Variants in ADCY2 observed in about 807,000 individuals in gnomAD.
ADCY2 encodes adenylate cyclase 2.
Under a neutral mutation model 125.2 loss-of-function variants are expected in ADCY2, and 31 were observed. The ratio of observed to expected loss-of-function variants is 0.25; its 90% CI spans 0.19 to 0.33. The LOEUF (loss-of-function observed/expected upper bound fraction) is 0.33, where lower values mean the gene tolerates loss of function less well. Ranked by LOEUF, ADCY2 falls within the 10% of genes least tolerant of loss-of-function variation. The probability of loss-of-function intolerance (pLI) is 1.00; values close to 1 mark genes in which losing one functional copy is unlikely to be tolerated. For synonymous variants in ADCY2, 512 were observed against 548.4 expected (o/e 0.93, Z 0.93); for missense variants, 904 against 1,418.2 (o/e 0.64, Z 5.82).
intron 4 of ADCY2, among the ~76,000 whole-genome samples, chr5:7,673,068 C>A (rs1366281133): frequency 6.6e-6 from 1 of 150,948 alleles, no homozygotes; most frequent in Non-Finnish European, 1.5e-5. Flanking sequence ...TTTTATTAAC[C>A]AAGTTACTTC....
intron 3 of ADCY2, among the ~76,000 whole-genome samples, chr5:7,563,229 C>T (rs777395854): frequency 1.4e-4 from 21 of 152,214 alleles, no homozygotes; most frequent in Non-Finnish European, 2.5e-4. Flanking sequence ...TCTGTATCCT[C>T]TGTCTTTGTA....
rs112081124 is a variant in ADCY2, at chr5:7,676,793, T to C, written c.721-13898T>C. Among the ~76,000 whole-genome samples, 474 of 152,328 alleles carry C rather than the reference T, an allele frequency of 3.1e-3. 5 individuals are homozygous for C. Among genetic ancestry groups the C allele is most frequent in the African/African-American group, 0.011 (456 of 41,576 alleles). Reference sequence around the variant, plus strand: ...ATCCTGTGGAGTTTCAGTCCAGCCTTGGCCATACGTTTGGACAAGAATGAA... The same window carrying C: ...ATCCTGTGGAGTTTCAGTCCAGCCTCGGCCATACGTTTGGACAAGAATGAA... On this transcript the variant is annotated intron_variant, in intron 4 of 24. Coordinates refer to ENST00000338316, the MANE Select transcript of ADCY2 (RefSeq NM_020546.3).
intron 24 of ADCY2, among the ~76,000 whole-genome samples, chr5:7,825,143 AATAACGCTGCTGTGTGCCACG>A (rs1296610439): frequency 0.017 from 2,366 of 139,276 alleles, 106 homozygotes; most frequent in African/African-American, 0.069. Flanking sequence ...TGTGTCCCAT[AATAACGCTGCTGTGTGCCACG>A]ACAACGCTGC....
intron 2 of ADCY2, among the ~76,000 whole-genome samples, chr5:7,466,436 C>A (rs1208737036): frequency 2.6e-5 from 4 of 152,190 alleles, no homozygotes; most frequent in African/African-American, 4.8e-5. Context: ...AAGGTGATAT[C>A]AGCACCCCTT....
intron 2 of ADCY2, among the ~76,000 whole-genome samples, chr5:7,441,952 A>G (rs1398274322): frequency 6.6e-6 from 1 of 152,150 alleles, no homozygotes; most frequent in Non-Finnish European, 1.5e-5. Context: ...AGACTTGGCA[A>G]CCGCCACAAT....
At chr5:7,501,621 A>G (rs1743576588) in intron 2 of ADCY2, among the ~76,000 whole-genome samples, 1 of 119,024 alleles carries the variant, frequency 8.4e-6, no homozygotes, top group East Asian at 2.1e-4. Context: ...CTCATATCCC[A>G]TCAAAAAAGA....
intron 3 of ADCY2, among the ~76,000 whole-genome samples, chr5:7,564,757 C>T (rs1316844720): frequency 2.6e-5 from 4 of 152,100 alleles, no homozygotes; most frequent in African/African-American, 4.8e-5. Flanking sequence ...ACTTGGGTCC[C>T]GGGCACCGCC....
chr5:7,568,276 G>A (rs530750100), intron 3 of ADCY2, among the ~76,000 whole-genome samples: 3 of 152,048 alleles, frequency 2.0e-5, no homozygotes, highest in East Asian at 1.9e-4. Flanking sequence ...AATATCTTGG[G>A]CTCTAATCTT....
At position 7,459,772 on chromosome 5, in the gene ADCY2, A is replaced by ATTTTTTTTTT. The variant is rs3033085; in HGVS notation, c.408+45026_408+45035dup. On this transcript the variant is annotated intron_variant, in intron 2 of 24. Coordinates refer to ENST00000338316, the MANE Select transcript of ADCY2 (RefSeq NM_020546.3). ...GAACTATCTAGCAGTTTAAGAGGTAATTTTTTTTTTTTTTTTTTTTTTTTT... is the reference window on the plus strand; with the variant it reads ...GAACTATCTAGCAGTTTAAGAGGTAATTTTTTTTTTTTTTTTTTTTTTTTTTTTTTTTTTT... 1.8e-3 allele frequency among the ~76,000 whole-genome samples: 132 copies of ATTTTTTTTTT among 72,862 alleles called. 15 individuals carry two copies. Among genetic ancestry groups the ATTTTTTTTTT allele is most frequent in the African/African-American group, 7.3e-3 (119 of 16,348 alleles). The allele number at this position is 72,862 out of a possible 152,430, so 47.8% of individuals were successfully genotyped here.
chr5:7,753,954 A>T (rs1443230017), intron 15 of ADCY2, among the ~76,000 whole-genome samples: 1 of 152,200 alleles, frequency 6.6e-6, no homozygotes, highest in African/African-American at 2.4e-5. Flanking sequence ...GACCTCTGGA[A>T]CAACACATTT....
chr5:7,643,108 C>A (rs1279469889), intron 4 of ADCY2, among the ~76,000 whole-genome samples: 2 of 150,968 alleles, frequency 1.3e-5, no homozygotes, highest in East Asian at 1.9e-4. Context: ...AAATGTATTT[C>A]TTTAGCCTTC....
At chr5:7,653,474 G>T (rs1739171487) in intron 4 of ADCY2, among the ~76,000 whole-genome samples, 1 of 152,148 alleles carries the variant, frequency 6.6e-6, no homozygotes, top group South Asian at 2.1e-4. Context: ...CAGGCGTGGT[G>T]GCGGGCGCCT....
chr5:7,729,904 CT>C (rs1398450123), intron 14 of ADCY2, among the ~76,000 whole-genome samples: 1 of 150,874 alleles, frequency 6.6e-6, no homozygotes, highest in Non-Finnish European at 1.5e-5. Context: ...TGGTCAATAT[CT>C]TTTGGGATAG....
At chr5:7,599,329 A>T (rs1737120356) in intron 3 of ADCY2, among the ~76,000 whole-genome samples, 1 of 152,176 alleles carries the variant, frequency 6.6e-6, no homozygotes, top group Non-Finnish European at 1.5e-5. Context: ...GATTTAAGGG[A>T]TATTTTGTGA....
intron 7 of ADCY2, among the ~76,000 whole-genome samples, chr5:7,698,783 A>G (rs1740978020): frequency 6.6e-6 from 1 of 152,130 alleles, no homozygotes; most frequent in African/African-American, 2.4e-5. Flanking sequence ...AATCCAGTCT[A>G]TCGTTGGTGG....
intron 4 of ADCY2, chr5:7,658,038 G>A (rs1739398505): frequency 6.6e-6 from 1 of 152,190 alleles, no homozygotes; most frequent in African/African-American, 2.4e-5. Flanking sequence ...CTCCAGTGGT[G>A]AATGCAGGAG....
At chr5:7,653,148 C>T (rs1739156688) in intron 4 of ADCY2, among the ~76,000 whole-genome samples, 1 of 152,160 alleles carries the variant, frequency 6.6e-6, no homozygotes, top group Non-Finnish European at 1.5e-5. Flanking sequence ...ACAGGAGTTA[C>T]ATTTTATGCT....
At chr5:7,624,963 C>A (rs1416533604) in intron 3 of ADCY2, among the ~76,000 whole-genome samples, 1 of 152,134 alleles carries the variant, frequency 6.6e-6, no homozygotes, top group Admixed American at 6.6e-5. Context: ...CAAGAGCTTG[C>A]TCTATGTAAA....
At chr5:7,488,992 G>A (rs1304999432) in intron 2 of ADCY2, among the ~76,000 whole-genome samples, 1 of 152,164 alleles carries the variant, frequency 6.6e-6, no homozygotes, top group East Asian at 1.9e-4. Flanking sequence ...TTGCTCTGAT[G>A]TGAGCTGATT....
Sources: allele counts gnomAD v4.1 joint callset (sites outside exome capture counted in the v4.1 genomes callset), GRCh38; gene constraint gnomAD v4.1.1; transcripts MANE v1.5; gene names NCBI Gene and HGNC (gene_info 2026-07-23, HGNC 2026-07-21).